Variants in DTNB observed in about 807,000 individuals in gnomAD.
DTNB encodes the protein dystrobrevin beta, also known as DTN-B.
In DTNB, 63 loss-of-function variants were observed where a neutral mutation model predicts 90.7. The observed-to-expected ratio is 0.69, with a 90% CI of 0.57 to 0.86. The LOEUF is 0.86. Ranked by LOEUF, DTNB falls within the 40% of genes least tolerant of loss-of-function variation. The pLI is 0.00. For missense variants in DTNB, 744 were observed against 807.1 expected, an observed-to-expected ratio of 0.92 and a Z score of 0.95; for synonymous variants, 277 against 286.7, an observed-to-expected ratio of 0.97 and a Z score of 0.34.
At chr2:25,671,576 G>A (rs908188981) in intron 1 of DTNB, among the ~76,000 whole-genome samples, 2 of 152,130 alleles carry the variant, frequency 1.3e-5, no homozygotes, top group Admixed American at 6.5e-5. Context: ...GGCCCTGAGA[G>A]AGTAACATAA....
chr2:25,503,053 CAAAAAAAAAAAAAAAAAAAAAA>C (rs58871909), intron 9 of DTNB, among the ~76,000 whole-genome samples: 472 of 15,360 alleles, frequency 0.031, 10 homozygotes, highest in African/African-American at 0.077. Flanking sequence ...GACCCTATCT[CAAAAAAAAAAAAAAAAAAAAAA>C]AAAAAAAAAA....
At chr2:25,471,623 T>C (rs1335285807) in intron 10 of DTNB, among the ~76,000 whole-genome samples, 1 of 152,176 alleles carries the variant, frequency 6.6e-6, no homozygotes, top group Non-Finnish European at 1.5e-5. Context: ...CTCAAACTTC[T>C]GGCCTCAAGC....
At chr2:25,619,466 T>G (rs1370481981) in intron 4 of DTNB, among the ~76,000 whole-genome samples, 1 of 152,254 alleles carries the variant, frequency 6.6e-6, no homozygotes, top group East Asian at 1.9e-4. Context: ...AAAATCAACT[T>G]AGAATATTAT....
At chr2:25,411,602 G>A (rs947440637) in intron 16 of DTNB, among the ~76,000 whole-genome samples, 8 of 152,062 alleles carry the variant, frequency 5.3e-5, no homozygotes, top group Admixed American at 1.3e-4. Flanking sequence ...AGAGTCCTAC[G>A]TATAGCACAG....
chr2:25,381,704 A>G (rs1255838093), intron 19 of DTNB, among the ~76,000 whole-genome samples: 2 of 152,180 alleles, frequency 1.3e-5, no homozygotes, highest in Non-Finnish European at 1.5e-5. Flanking sequence ...TCCGTGCCAC[A>G]TATGTCATTC....
rs114185345 is a variant in DTNB, at chr2:25,595,899, C to G, written c.603+187G>C. Among the ~76,000 whole-genome samples the G allele has an allele frequency of 8.6e-3, 1,183 of 137,474 alleles. 22 individuals carry two copies. Among genetic ancestry groups the G allele is most frequent in the African/African-American group, 0.03 (1,102 of 36,382 alleles). The allele number at this position is 137,474 out of a possible 152,430, so 90.2% of individuals were successfully genotyped here. A position where few individuals can be genotyped will look rare whatever the true frequency, so the allele number is the denominator to read the frequency against. On this transcript the variant is annotated intron_variant, in intron 6 of 20. Coordinates refer to ENST00000406818, the MANE Select transcript of DTNB (RefSeq NM_021907.5). Reference sequence around the variant, plus strand: ...ACACCACCCCCCCACCCCCAGTTCCCCCGTAAGAGTTTTCAGGTGAATTTT... The same window carrying G: ...ACACCACCCCCCCACCCCCAGTTCCGCCGTAAGAGTTTTCAGGTGAATTTT...
intron 4 of DTNB, among the ~76,000 whole-genome samples, chr2:25,618,790 TTTCTCAGCC>T (rs2071556106): frequency 6.6e-6 from 1 of 152,226 alleles, no homozygotes; most frequent in Non-Finnish European, 1.5e-5. Context: ...TGATGATCCC[TTTCTCAGCC>T]TTCTCTGCAT....
intron 12 of DTNB, among the ~76,000 whole-genome samples, chr2:25,444,399 G>C (rs1026724334): frequency 1.3e-5 from 2 of 151,910 alleles, no homozygotes; most frequent in African/African-American, 4.8e-5. Context: ...GGGTGTGGTG[G>C]CAGGTGCCTG....
intron 7 of DTNB, among the ~76,000 whole-genome samples, chr2:25,579,452 G>C (rs2061226231): frequency 6.6e-6 from 1 of 152,092 alleles, no homozygotes; most frequent in Non-Finnish European, 1.5e-5. Context: ...GTGGACTCTT[G>C]GCTCTTCCTC....
intron 10 of DTNB, among the ~76,000 whole-genome samples, chr2:25,469,031 G>A (rs971207095): frequency 5.3e-5 from 8 of 152,124 alleles, no homozygotes; most frequent in Admixed American, 2.0e-4. Context: ...CTGGAACTAC[G>A]GTGATAAACA....
At chr2:25,394,033 G>A (rs2041810536) in intron 16 of DTNB, among the ~76,000 whole-genome samples, 2 of 152,062 alleles carry the variant, frequency 1.3e-5, no homozygotes, top group Admixed American at 1.3e-4. Context: ...GCATGGTACT[G>A]GTATAAAAAT....
intron 16 of DTNB, among the ~76,000 whole-genome samples, chr2:25,399,963 C>T (rs2043319522): frequency 6.6e-6 from 1 of 152,148 alleles, no homozygotes; most frequent in Admixed American, 6.5e-5. Flanking sequence ...TTCTGGGGTC[C>T]CAGCAGCATC....
At chr2:25,564,077 A>G (rs1328482474) in intron 8 of DTNB, among the ~76,000 whole-genome samples, 2 of 151,138 alleles carry the variant, frequency 1.3e-5, no homozygotes, top group African/African-American at 4.9e-5. Context: ...AATTTTTTGT[A>G]TTTTTAGTAG....
chr2:25,515,507 G>A (rs1262051917), intron 9 of DTNB, among the ~76,000 whole-genome samples: 2 of 152,198 alleles, frequency 1.3e-5, no homozygotes, highest in African/African-American at 4.8e-5. Context: ...AAGATGGCAA[G>A]ACAACTCAAT....
chr2:25,577,187 C>A (rs1470481224), intron 7 of DTNB, among the ~76,000 whole-genome samples, 183 bp from the exon 8 acceptor site: 1 of 152,152 alleles, frequency 6.6e-6, no homozygotes, highest in Non-Finnish European at 1.5e-5. Context: ...GTAATCCCAG[C>A]ACTATGGGAG....
intron 2 of DTNB, among the ~76,000 whole-genome samples, chr2:25,643,325 C>T (rs1031247652): frequency 1.3e-5 from 2 of 152,166 alleles, no homozygotes; most frequent in Non-Finnish European, 2.9e-5. Flanking sequence ...AGTGCTTCCC[C>T]CATGTGGCTC....
chr2:25,482,882 A>C lies in DTNB; in HGVS notation c.1002-9T>G. On this transcript the variant is annotated splice_polypyrimidine_tract_variant and intron_variant, in intron 9 of 20. Coordinates refer to ENST00000406818, the MANE Select transcript of DTNB (RefSeq NM_021907.5). ...TCAGAGGGCGAGGAGGACTGAAAGAAAAGACATTTACCTTATATTAATAAT... is the reference window on the plus strand; with the variant it reads ...TCAGAGGGCGAGGAGGACTGAAAGACAAGACATTTACCTTATATTAATAAT... The C allele has an allele frequency of 6.2e-7, 1 of 1,600,226 alleles. No individual in the cohort carries two copies. Among genetic ancestry groups the C allele is most frequent in the Non-Finnish European group, 8.5e-7 (1 of 1,175,478 alleles).
At chr2:25,382,906 G>A (rs570664339) in intron 19 of DTNB, among the ~76,000 whole-genome samples, 10 of 152,110 alleles carry the variant, frequency 6.6e-5, no homozygotes, top group Non-Finnish European at 1.5e-4. Flanking sequence ...GGGGATATTC[G>A]AATCTGTCTC....
intron 6 of DTNB, among the ~76,000 whole-genome samples, chr2:25,581,161 G>C (rs928677181): frequency 1.3e-4 from 19 of 151,922 alleles, no homozygotes; most frequent in Non-Finnish European, 2.9e-5. Context: ...ACAAACCCAA[G>C]ACTGTCCTTC....
Sources: gnomAD v4.1 joint callset for allele counts (sites outside exome capture counted in the v4.1 genomes callset) on GRCh38, gnomAD v4.1.1 for gene constraint, MANE v1.5 for transcripts, NCBI Gene and HGNC (gene_info 2026-07-23, HGNC 2026-07-21) for gene names.